Variants in SGCZ observed in about 807,000 individuals in gnomAD.
SGCZ encodes sarcoglycan zeta.
SGCZ carries 40 observed loss-of-function variants against 41.3 expected under a neutral mutation model. The observed-to-expected ratio is 0.97, with a 90% CI of 0.75 to 1.26. SGCZ has a LOEUF of 1.26. Among genes scored for constraint, SGCZ ranks in the 50% most tolerant of loss-of-function variants. The pLI, the probability that SGCZ is intolerant of heterozygous loss-of-function variation, is 0.00. For synonymous variants in SGCZ, 206 were observed against 137.5 expected (o/e 1.50, Z -3.49); for missense variants, 552 against 369.8 (o/e 1.49, Z -4.04).
chr8:14,491,976 T>C (rs1801854960), intron 2 of SGCZ, among the ~76,000 whole-genome samples: 1 of 152,168 alleles, frequency 6.6e-6, no homozygotes, highest in Non-Finnish European at 1.5e-5. Flanking sequence ...CTAAGACGAC[T>C]TAGATATAAA....
intron 1 of SGCZ, among the ~76,000 whole-genome samples, chr8:15,186,777 A>T (rs1046565960): frequency 5.3e-5 from 8 of 152,222 alleles, no homozygotes; most frequent in Admixed American, 3.9e-4. Context: ...TTTCGCCTAT[A>T]ATTAGTGAGA....
intron 4 of SGCZ, among the ~76,000 whole-genome samples, chr8:14,182,716 G>A (rs1311185229): frequency 2.0e-5 from 3 of 152,064 alleles, no homozygotes; most frequent in African/African-American, 7.2e-5. Context: ...CAATAAAACT[G>A]ACTAATGTAT....
At chr8:14,392,507 C>T (rs1804812525) in intron 2 of SGCZ, among the ~76,000 whole-genome samples, 2 of 152,044 alleles carry the variant, frequency 1.3e-5, no homozygotes, top group Non-Finnish European at 2.9e-5. Flanking sequence ...AATTGGAATG[C>T]CCAGAGATAA....
intron 3 of SGCZ, among the ~76,000 whole-genome samples, chr8:14,290,521 T>C (rs1394011799): frequency 6.6e-6 from 1 of 151,722 alleles, no homozygotes; most frequent in Non-Finnish European, 1.5e-5. Context: ...TAAAAATGGG[T>C]CAAAAACCTG....
In SGCZ at chr8:14,931,525, C is replaced by T. The variant is rs573987355; in HGVS notation, c.39+306060G>A. On this transcript the variant is annotated intron_variant, in intron 1 of 7. Transcript: ENST00000382080. ...AAAATCAAGAGCAATAACAAAATGA[C>T]ATGCAGCATAACCTTGAATTTTTTA... 7.2e-4 allele frequency among the ~76,000 whole-genome samples: 110 copies of T among 152,056 alleles called. 3 individuals carry two copies. Among genetic ancestry groups the T allele is most frequent in the African/African-American group, 2.0e-3 (84 of 41,396 alleles).
intron 1 of SGCZ, among the ~76,000 whole-genome samples, chr8:14,765,840 TA>T (rs1400406588): frequency 2.0e-5 from 3 of 152,026 alleles, no homozygotes; most frequent in Admixed American, 6.6e-5. Context: ...TAAATCGTAG[TA>T]AAAAAATAAA....
intron 1 of SGCZ, among the ~76,000 whole-genome samples, chr8:14,902,555 A>G (rs531658138): frequency 6.6e-6 from 1 of 152,274 alleles, no homozygotes; most frequent in African/African-American, 2.4e-5. Context: ...AAATGGCAAG[A>G]GCATCTTTCT....
At chr8:14,263,042 T>C (rs1799729168) in intron 3 of SGCZ, among the ~76,000 whole-genome samples, 1 of 152,202 alleles carries the variant, frequency 6.6e-6, no homozygotes, top group Non-Finnish European at 1.5e-5. Context: ...TCCTGAACAA[T>C]AAGATTATTT....
chr8:15,087,813 C>A (rs1806004202), intron 1 of SGCZ, among the ~76,000 whole-genome samples: 2 of 152,114 alleles, frequency 1.3e-5, no homozygotes, highest in African/African-American at 4.8e-5. Context: ...AAGAAATTCT[C>A]TGCAAATAAG....
At chr8:14,968,797 T>A (rs924252707) in intron 1 of SGCZ, among the ~76,000 whole-genome samples, 3 of 152,244 alleles carry the variant, frequency 2.0e-5, no homozygotes, top group Non-Finnish European at 4.4e-5. Context: ...ATTTTGTGAT[T>A]TGACTTGTGT....
chr8:14,358,723 G>A (rs1283595541), intron 2 of SGCZ, among the ~76,000 whole-genome samples: 1 of 152,056 alleles, frequency 6.6e-6, no homozygotes, highest in African/African-American at 2.4e-5. Flanking sequence ...GCAATTCTCT[G>A]CCTCAGCCTC....
At chr8:15,139,802 A>G (rs1332748356) in intron 1 of SGCZ, among the ~76,000 whole-genome samples, 1 of 152,072 alleles carries the variant, frequency 6.6e-6, no homozygotes, top group African/African-American at 2.4e-5. Flanking sequence ...TTACTGTTTT[A>G]TTGTTATCTA....
chr8:14,182,507 A>C (rs1237452942), intron 4 of SGCZ, among the ~76,000 whole-genome samples: 1 of 152,104 alleles, frequency 6.6e-6, no homozygotes, highest in Non-Finnish European at 1.5e-5. Flanking sequence ...TCATCTACTC[A>C]TCCAGCTGGA....
At chr8:15,009,817 C>G (rs1802763446) in intron 1 of SGCZ, among the ~76,000 whole-genome samples, 1 of 152,070 alleles carries the variant, frequency 6.6e-6, no homozygotes, top group African/African-American at 2.4e-5. Context: ...AAGCCTCTGT[C>G]CATTTTTTTA....
chr8:14,539,686 C>T (rs924532701), intron 2 of SGCZ, among the ~76,000 whole-genome samples: 13 of 151,924 alleles, frequency 8.6e-5, no homozygotes, highest in African/African-American at 3.1e-4. Flanking sequence ...TCTTGATCTT[C>T]TTCCTCCTTC....
Position 14,749,014 on chromosome 8 carries a change from T to C in SGCZ, c.40-194088A>G, listed in dbSNP as rs918707432. ...ATATATAAATTTTGGTTAGCTTTTA[T>C]ATACAAAAATAAGGTTGACTAATTT... On this transcript the variant is annotated intron_variant, in intron 1 of 7. Coordinates refer to ENST00000382080, the MANE Select transcript of SGCZ (RefSeq NM_139167.4). 3.3e-5 allele frequency among the ~76,000 whole-genome samples: 5 copies of C among 152,238 alleles called. No homozygotes were observed. In the East Asian group the frequency reaches 9.7e-4, roughly 29 times the overall value.
intron 1 of SGCZ, among the ~76,000 whole-genome samples, chr8:15,143,202 T>C (rs1798943314): frequency 6.6e-6 from 1 of 152,232 alleles, no homozygotes; most frequent in Non-Finnish European, 1.5e-5. Flanking sequence ...TTAGATTGTC[T>C]GCTACAAACA....
At chr8:14,873,314 C>A (rs1804233534) in intron 1 of SGCZ, among the ~76,000 whole-genome samples, 1 of 152,050 alleles carries the variant, frequency 6.6e-6, no homozygotes, top group Non-Finnish European at 1.5e-5. Flanking sequence ...TGTTGGTATG[C>A]CCAATTGCCT....
At chr8:14,368,242 A>C (rs77165802) in intron 2 of SGCZ, among the ~76,000 whole-genome samples, 5,085 of 152,094 alleles carry the variant, frequency 0.033, 122 homozygotes, top group Middle Eastern at 0.061. Flanking sequence ...ATGGCTTTTA[A>C]TTGCATGTTA....
Sources: gnomAD v4.1 joint callset for allele counts (sites outside exome capture counted in the v4.1 genomes callset) on GRCh38, gnomAD v4.1.1 for gene constraint, MANE v1.5 for transcripts, NCBI Gene and HGNC (gene_info 2026-07-23, HGNC 2026-07-21) for gene names.